ANK1: variants seen among roughly 807,000 people sequenced by gnomAD.
ANK1 encodes ankyrin 1.
A neutral mutation model predicts 210.4 loss-of-function variants in ANK1; 51 were observed. The observed-to-expected ratio is 0.24, with a 90% CI of 0.19 to 0.31. The LOEUF is 0.31. Ranked by LOEUF, ANK1 falls within the 10% of genes least tolerant of loss-of-function variation. The probability of loss-of-function intolerance (pLI) is 1.00; values close to 1 mark genes in which losing one functional copy is unlikely to be tolerated. For missense variants in ANK1, 2,051 were observed against 2,504.4 expected (o/e 0.82, Z 3.86); for synonymous variants, 967 against 1,025.9 (o/e 0.94, Z 1.10).
intron 2 of ANK1, among the ~76,000 whole-genome samples, chr8:41,738,052 A>G (rs946253498): frequency 1.3e-5 from 2 of 152,192 alleles, no homozygotes; most frequent in Non-Finnish European, 2.9e-5. Flanking sequence ...AGCCCCAAAC[A>G]GCATGTAAAG....
intron 1 of ANK1, among the ~76,000 whole-genome samples, chr8:41,760,695 G>A (rs1565124): frequency 0.1 from 15,984 of 152,236 alleles, 951 homozygotes; most frequent in South Asian, 0.15. Context: ...GCTGGGGAGA[G>A]TAAAGCCTTT....
chr8:41,719,636 C>A (rs750264126), intron 10 of ANK1, 25 bp downstream of exon 10: 1 of 1,614,094 alleles, frequency 6.2e-7, no homozygotes, highest in Non-Finnish European at 8.5e-7. Context: ...CACTCTGCAC[C>A]TTCTCCAGCA....
chr8:41,667,120 A>C (rs1293200686), intron 39 of ANK1, among the ~76,000 whole-genome samples: 2 of 152,178 alleles, frequency 1.3e-5, no homozygotes, highest in Admixed American at 1.3e-4. Flanking sequence ...TGATGGAAGA[A>C]ACGGACGGGC....
At chr8:41,792,719 A>G (rs1847989167) in intron 1 of ANK1, among the ~76,000 whole-genome samples, 1 of 152,246 alleles carries the variant, frequency 6.6e-6, no homozygotes, top group African/African-American at 2.4e-5. Context: ...ATGAGAGTTC[A>G]GAGGAAGGAG....
intron 1 of ANK1, among the ~76,000 whole-genome samples, chr8:41,834,272 T>C (rs1478457591): frequency 1.3e-5 from 2 of 152,112 alleles, no homozygotes; most frequent in East Asian, 1.9e-4. Context: ...AGGGGTAGGA[T>C]TGAGAAAACC....
At chr8:41,809,609 A>T (rs1192865328) in intron 1 of ANK1, among the ~76,000 whole-genome samples, 1 of 152,122 alleles carries the variant, frequency 6.6e-6, no homozygotes, top group East Asian at 1.9e-4. Flanking sequence ...TGTACAAAAA[A>T]TTTTTTAAAT....
chr8:41,725,252 T>A (rs1188471829), intron 6 of ANK1, among the ~76,000 whole-genome samples: 2 of 152,194 alleles, frequency 1.3e-5, no homozygotes, highest in African/African-American at 2.4e-5. Context: ...GGACTTTGAA[T>A]AACTCCAGTA....
At chr8:41,834,832 C>T (rs1209681930) in intron 1 of ANK1, among the ~76,000 whole-genome samples, 1 of 152,252 alleles carries the variant, frequency 6.6e-6, no homozygotes, top group Non-Finnish European at 1.5e-5. Context: ...CCTGCTGGGT[C>T]TAAGCTCTGG....
In ANK1 at chr8:41,715,735, G is replaced by A; in HGVS notation, c.1519C>T (p.Leu507=). The change falls in exon 14 of 43, where the codon CTG becomes TTG. Residue 507 remains leucine (L), a synonymous_variant. Transcript: ENST00000289734. ...TGGCCCTCACGGGCTGCAATGTGCA[G>A]GGGGGTGTGCCCGGCGGTGGTGGCC... ...NLATTAGHTP[L]HIAAREGHVE... is the part of the protein sequence containing the mutation. 1 of 1,614,180 alleles carries A rather than the reference G, an allele frequency of 6.2e-7. No homozygotes were observed. Among genetic ancestry groups the A allele is most frequent in the Non-Finnish European group, 8.5e-7 (1 of 1,180,036 alleles).
At chr8:41,844,240 T>C (rs907419185) in intron 1 of ANK1, among the ~76,000 whole-genome samples, 2 of 152,194 alleles carry the variant, frequency 1.3e-5, no homozygotes, top group Non-Finnish European at 2.9e-5. Context: ...TTGGCAGATC[T>C]TGGTATCCCC....
intron 42 of ANK1, among the ~76,000 whole-genome samples, chr8:41,657,863 A>C (rs1806317121): frequency 6.6e-6 from 1 of 152,138 alleles, no homozygotes; most frequent in South Asian, 2.1e-4. Flanking sequence ...AAAGCTTAGA[A>C]AAGAGTCTCT....
rs566616830 is a variant in ANK1 at position 41,683,125 on chromosome 8, C to A, written c.4537+1419G>T. Reference sequence around the variant, plus strand: ...ACACATGCACACACATACGCACACACACAAGTACACCCAGGACATGGCCAT... The same window carrying A: ...ACACATGCACACACATACGCACACAAACAAGTACACCCAGGACATGGCCAT... On this transcript the variant is annotated intron_variant, in intron 37 of 42. Coordinates refer to ENST00000289734, the MANE Select transcript of ANK1 (RefSeq NM_000037.4). 5.9e-5 allele frequency among the ~76,000 whole-genome samples: 9 copies of A among 152,306 alleles called. No individual in the cohort carries two copies. The East Asian group carries it at 1.5e-3, about 26-fold the overall frequency.
chr8:41,783,082 A>G (rs1010398142), intron 1 of ANK1, among the ~76,000 whole-genome samples: 3 of 152,248 alleles, frequency 2.0e-5, no homozygotes, highest in Admixed American at 6.5e-5. Flanking sequence ...ATTAGACGAC[A>G]TTTGGATAAG....
At chr8:41,866,876 C>T (rs1176362008) in intron 1 of ANK1, among the ~76,000 whole-genome samples, 2 of 152,252 alleles carry the variant, frequency 1.3e-5, no homozygotes, top group Non-Finnish European at 1.5e-5. Context: ...ACTTGGATTG[C>T]TTCCACCTTT....
intron 1 of ANK1, among the ~76,000 whole-genome samples, chr8:41,849,964 C>T (rs1388168707): frequency 6.6e-6 from 1 of 152,114 alleles, no homozygotes; most frequent in Non-Finnish European, 1.5e-5. Flanking sequence ...ACCTTTATGG[C>T]CTTCCTCTGA....
intron 5 of ANK1, among the ~76,000 whole-genome samples, chr8:41,726,427 T>C (rs1006057001): frequency 4.6e-5 from 7 of 152,168 alleles, no homozygotes; most frequent in South Asian, 4.1e-4. Flanking sequence ...TCTCACTCTG[T>C]CACTCAGGTT....
chr8:41,776,462 G>A (rs1200487920), intron 1 of ANK1, among the ~76,000 whole-genome samples: 2 of 151,984 alleles, frequency 1.3e-5, no homozygotes, highest in South Asian at 2.1e-4. Flanking sequence ...CAGTAACATC[G>A]TCATGTAACC....
rs1471388121 is a variant in ANK1 at position 41,694,806 on chromosome 8, G to T, written c.3116-3C>A. The T allele has an allele frequency of 6.2e-7, 1 of 1,613,812 alleles. No homozygotes were observed. The highest frequency in any genetic ancestry group is 1.7e-5 in the Admixed American group (1 of 59,986). Reference sequence around the variant, plus strand: ...TAGCTCCTCCAGGCTCCCCAGCTCTGGAATCACACACACAGGCCACCACCC... The same window carrying T: ...TAGCTCCTCCAGGCTCCCCAGCTCTTGAATCACACACACAGGCCACCACCC... On this transcript the variant is annotated splice_polypyrimidine_tract_variant and splice_region_variant and intron_variant, in intron 27 of 42. Coordinates refer to ENST00000289734, the MANE Select transcript of ANK1 (RefSeq NM_000037.4). The surrounding 1 kb of genome is among the most constrained non-coding windows in gnomAD (Gnocchi z 5.7).
chr8:41,758,211 C>T (rs1839632014), intron 1 of ANK1, 74 bp from the exon 2 acceptor site: 1 of 1,330,024 alleles, frequency 7.5e-7, no homozygotes, highest in South Asian at 1.2e-5. Flanking sequence ...AAGTCCCAGG[C>T]CCCCGCAGCA....
Sources: allele counts gnomAD v4.1 joint callset (sites outside exome capture counted in the v4.1 genomes callset), GRCh38; gene constraint gnomAD v4.1.1; non-coding constraint Gnocchi (gnomAD v3.1); transcripts MANE v1.5; gene names NCBI Gene and HGNC (gene_info 2026-07-23, HGNC 2026-07-21).